RBFOX1: variants seen among roughly 807,000 people sequenced by gnomAD.
RBFOX1 encodes the protein RNA binding fox-1 homolog 1, also known as RNA binding protein fox-1 homolog 1.
Under a neutral mutation model 57.7 loss-of-function variants are expected in RBFOX1, and 8 were observed. The ratio of observed to expected loss-of-function variants is 0.14; its 90% CI spans 0.08 to 0.25. RBFOX1 has a LOEUF of 0.25. RBFOX1 is among the 10% of genes least tolerant of loss of function. The probability of loss-of-function intolerance (pLI) is 1.00; values close to 1 mark genes in which losing one functional copy is unlikely to be tolerated. For synonymous variants in RBFOX1, 326 were observed against 222.4 expected, an observed-to-expected ratio of 1.47 and a Z score of -4.15; for missense variants, 611 against 548.5, an observed-to-expected ratio of 1.11 and a Z score of -1.14.
intron 4 of RBFOX1, among the ~76,000 whole-genome samples, chr16:7,387,083 C>G (rs1024138302): frequency 6.6e-6 from 1 of 151,904 alleles, no homozygotes; most frequent in African/African-American, 2.4e-5. Flanking sequence ...TTGTTTTTTT[C>G]TTGTAAATTT....
intron 1 of RBFOX1, among the ~76,000 whole-genome samples, chr16:6,060,756 C>T (rs1394950303): frequency 1.3e-5 from 2 of 152,150 alleles, no homozygotes; most frequent in Admixed American, 6.5e-5. Context: ...AGTCATAGAA[C>T]CCAAGAGGAG....
chr16:6,105,172 A>T lies in RBFOX1; in HGVS notation c.-127+85180A>T, dbSNP rs77084936. ...CACCTGAATCTTGTTTGATTTCTCAAAGCCCATGTGGGACCACCCTCCATT... is the reference window on the plus strand; with the variant it reads ...CACCTGAATCTTGTTTGATTTCTCATAGCCCATGTGGGACCACCCTCCATT... On this transcript the variant is annotated intron_variant, in intron 1 of 15. Transcript: ENST00000550418. Among the ~76,000 whole-genome samples, 52 of 152,334 alleles carry T rather than the reference A, an allele frequency of 3.4e-4. No individual in the cohort carries two copies. In the East Asian group the frequency reaches 7.7e-3, roughly 23 times the overall value.
At chr16:6,911,999 T>C (rs535823281) in intron 3 of RBFOX1, among the ~76,000 whole-genome samples, 1 of 152,318 alleles carries the variant, frequency 6.6e-6, no homozygotes, top group African/African-American at 2.4e-5. Context: ...AGATGTTAAG[T>C]AGAGTAAGAT....
At chr16:5,918,675 C>G (rs1435643940) in intron 4 of RBFOX1, among the ~76,000 whole-genome samples, 1 of 152,188 alleles carries the variant, frequency 6.6e-6, no homozygotes, top group Admixed American at 6.5e-5. Context: ...AAAATGAACT[C>G]ATTCAGTTAA....
chr16:6,750,098 G>C (rs1280803343), intron 3 of RBFOX1, among the ~76,000 whole-genome samples: 2 of 152,150 alleles, frequency 1.3e-5, no homozygotes, highest in African/African-American at 2.4e-5. Flanking sequence ...ATAGGGTTAT[G>C]ATCTTTCTGT....
intron 3 of RBFOX1, among the ~76,000 whole-genome samples, chr16:6,829,926 A>G (rs910658708): frequency 2.0e-5 from 3 of 149,670 alleles, no homozygotes; most frequent in African/African-American, 5.0e-5. Context: ...TATTTTTTTT[A>G]TTTTTTTGAG....
At chr16:6,650,516 T>A (rs867243358) in intron 2 of RBFOX1, among the ~76,000 whole-genome samples, 1 of 152,052 alleles carries the variant, frequency 6.6e-6, no homozygotes. Flanking sequence ...TGCCACAGAG[T>A]AACTAAGGAA....
intron 3 of RBFOX1, among the ~76,000 whole-genome samples, chr16:6,707,976 A>G (rs1327730727): frequency 6.6e-6 from 1 of 152,140 alleles, no homozygotes; most frequent in African/African-American, 2.4e-5. Flanking sequence ...TTGTAAAAGA[A>G]AACCTAGACA....
At chr16:6,194,542 T>C (rs1393217748) in intron 1 of RBFOX1, among the ~76,000 whole-genome samples, 1 of 152,168 alleles carries the variant, frequency 6.6e-6, no homozygotes, top group African/African-American at 2.4e-5. Flanking sequence ...TCTGTCTTTA[T>C]GTATGCTGCT....
chr16:6,060,750 A>G (rs1375533608), intron 1 of RBFOX1, among the ~76,000 whole-genome samples: 1 of 152,222 alleles, frequency 6.6e-6, no homozygotes, highest in African/African-American at 2.4e-5. Flanking sequence ...GAGTTCAGTC[A>G]TAGAACCCAA....
intron 5 of RBFOX1, among the ~76,000 whole-genome samples, chr16:7,560,194 C>A (rs994092746): frequency 2.0e-5 from 3 of 152,206 alleles, no homozygotes; most frequent in Non-Finnish European, 4.4e-5. Flanking sequence ...AACCTGTCAA[C>A]TTTTCTGGCT....
chr16:5,454,897 TCTTTC>T (rs2068554877), intron 1 of RBFOX1, among the ~76,000 whole-genome samples: 4 of 114,404 alleles, frequency 3.5e-5, no homozygotes, highest in Admixed American at 8.8e-5. Flanking sequence ...TTTCTTTCTT[TCTTTC>T]TTTCTTTCTT....
intron 3 of RBFOX1, among the ~76,000 whole-genome samples, chr16:5,712,554 A>C (rs2051532085): frequency 6.6e-6 from 1 of 152,304 alleles, no homozygotes; most frequent in South Asian, 2.1e-4. Context: ...CTGGTGTTCT[A>C]GGGGCTTTTC....
intron 2 of RBFOX1, among the ~76,000 whole-genome samples, chr16:6,463,563 G>A (rs1262491158): frequency 2.0e-5 from 3 of 152,114 alleles, no homozygotes; most frequent in Non-Finnish European, 4.4e-5. Context: ...GACCCAAGCT[G>A]ATGCAAGCAA....
intron 3 of RBFOX1, among the ~76,000 whole-genome samples, chr16:5,755,492 A>G (rs1048302638): frequency 2.6e-5 from 4 of 152,212 alleles, no homozygotes; most frequent in African/African-American, 9.6e-5. Flanking sequence ...GGTAGACCAA[A>G]GCAGTAGCCC....
intron 4 of RBFOX1, among the ~76,000 whole-genome samples, chr16:7,258,383 A>C (rs1270706927): frequency 6.6e-6 from 1 of 152,168 alleles, no homozygotes; most frequent in East Asian, 1.9e-4. Flanking sequence ...TTCATGTCTA[A>C]ATACACTTAA....
At chr16:5,706,339 A>G (rs1478390072) in intron 3 of RBFOX1, among the ~76,000 whole-genome samples, 1 of 152,212 alleles carries the variant, frequency 6.6e-6, no homozygotes, top group Non-Finnish European at 1.5e-5. Flanking sequence ...GAGAGTGGAA[A>G]TACAGTTCCA....
intron 11 of RBFOX1, among the ~76,000 whole-genome samples, chr16:7,634,129 G>C (rs2061396133): frequency 6.6e-6 from 1 of 152,104 alleles, no homozygotes; most frequent in African/African-American, 2.4e-5. Context: ...TTTTTCTCTA[G>C]GAATCCAACC....
At chr16:6,165,404 G>A (rs1042995253) in intron 1 of RBFOX1, among the ~76,000 whole-genome samples, 3 of 152,142 alleles carry the variant, frequency 2.0e-5, no homozygotes, top group Non-Finnish European at 2.9e-5. Context: ...GAGTTACAGG[G>A]TTCATTATAC....
Sources: gnomAD v4.1 joint callset for allele counts (sites outside exome capture counted in the v4.1 genomes callset) on GRCh38, gnomAD v4.1.1 for gene constraint, MANE v1.5 for transcripts, NCBI Gene and HGNC (gene_info 2026-07-23, HGNC 2026-07-21) for gene names.